AGBL1: variants seen among roughly 807,000 people sequenced by gnomAD.
AGBL1 encodes the protein AGBL carboxypeptidase 1.
AGBL1 carries 130 observed loss-of-function variants against 118.9 expected under a neutral mutation model. The observed-to-expected ratio is 1.09, with a 90% CI of 0.95 to 1.26. The LOEUF is 1.26. Among genes scored for constraint, AGBL1 ranks in the 50% most tolerant of loss-of-function variants. The pLI is 0.00. For synonymous variants in AGBL1, 555 were observed against 478.9 expected, an observed-to-expected ratio of 1.16 and a Z score of -2.08; for missense variants, 1,584 against 1,298.1, an observed-to-expected ratio of 1.22 and a Z score of -3.38.
At chr15:86,494,956 A>T (rs200639870) in intron 18 of AGBL1, among the ~76,000 whole-genome samples, 31 of 145,320 alleles carry the variant, frequency 2.1e-4, no homozygotes, top group Middle Eastern at 3.5e-3. Context: ...TTTTTTTTTT[A>T]AATAAATAAC....
intron 24 of AGBL1, among the ~76,000 whole-genome samples, chr15:87,014,346 CAAGT>C (rs2081589678): frequency 6.6e-6 from 1 of 152,118 alleles, no homozygotes; most frequent in Non-Finnish European, 1.5e-5. Flanking sequence ...TGATCTTAGG[CAAGT>C]AAGTACAATT....
intron 22 of AGBL1, among the ~76,000 whole-genome samples, chr15:86,763,107 A>T (rs891544541): frequency 3.9e-5 from 6 of 152,004 alleles, no homozygotes; most frequent in Admixed American, 1.3e-4. Context: ...CTGTAAGTGC[A>T]TTTTTGTTCC....
At position 86,258,820 on chromosome 15, in the gene AGBL1, C is replaced by A. The variant is rs139043042; in HGVS notation, c.969+789C>A. On this transcript the variant is annotated intron_variant, in intron 9 of 22. Transcript: ENST00000614907. Reference sequence around the variant, plus strand: ...CTCCCGGATCCAAGCAATTTACCAACTTCAGCCTCCCAAGTAACTGGGACT... The same window carrying A: ...CTCCCGGATCCAAGCAATTTACCAAATTCAGCCTCCCAAGTAACTGGGACT... Among the ~76,000 whole-genome samples, 3 of 152,272 alleles carry A rather than the reference C, an allele frequency of 2.0e-5. No homozygotes were observed. The East Asian group carries it at 5.8e-4, about 29-fold the overall frequency.
intron 24 of AGBL1, among the ~76,000 whole-genome samples, chr15:87,008,985 A>G (rs1423738836): frequency 6.6e-6 from 1 of 152,246 alleles, no homozygotes; most frequent in Non-Finnish European, 1.5e-5. Flanking sequence ...GAAAATTTGC[A>G]GCCTGACAAT....
intron 18 of AGBL1, among the ~76,000 whole-genome samples, chr15:86,424,157 C>G (rs1438225576): frequency 2.6e-5 from 4 of 152,176 alleles, no homozygotes; most frequent in Non-Finnish European, 5.9e-5. Context: ...GTAACCAAAA[C>G]AGCATGGTAA....
chr15:86,589,784 A>C (rs937131010), intron 21 of AGBL1, among the ~76,000 whole-genome samples: 1 of 152,000 alleles, frequency 6.6e-6, no homozygotes, highest in East Asian at 1.9e-4. Flanking sequence ...TTCTTTATCT[A>C]ATCTATCATT....
intron 21 of AGBL1, among the ~76,000 whole-genome samples, chr15:86,599,045 G>A (rs1228546529): frequency 6.6e-6 from 1 of 152,088 alleles, no homozygotes; most frequent in East Asian, 1.9e-4. Context: ...CTCTTTCAAT[G>A]CTAAGAGTCT....
At chr15:86,199,158 A>T (rs1339091611) in intron 5 of AGBL1, among the ~76,000 whole-genome samples, 3 of 152,152 alleles carry the variant, frequency 2.0e-5, no homozygotes, top group Non-Finnish European at 4.4e-5. Flanking sequence ...CAAGTTGTGT[A>T]TTACCATTTA....
intron 22 of AGBL1, among the ~76,000 whole-genome samples, chr15:86,717,822 G>T (rs561466367): frequency 1.3e-5 from 2 of 152,322 alleles, no homozygotes; most frequent in East Asian, 3.9e-4. Flanking sequence ...GCTCACGCCT[G>T]TAATCTCAGC....
intron 23 of AGBL1, among the ~76,000 whole-genome samples, chr15:86,957,359 T>A (rs2080941463): frequency 6.6e-6 from 1 of 151,882 alleles, no homozygotes; most frequent in Non-Finnish European, 1.5e-5. Context: ...GAAGAAAAAA[T>A]TTCAATAAAA....
chr15:86,810,316 C>T (rs189730197), intron 22 of AGBL1, among the ~76,000 whole-genome samples: 15 of 152,182 alleles, frequency 9.9e-5, no homozygotes, highest in Non-Finnish European at 1.8e-4. Flanking sequence ...TTAGCTACAA[C>T]GTGACCAAAT....
intron 21 of AGBL1, among the ~76,000 whole-genome samples, chr15:86,642,353 T>C (rs571039120): frequency 1.1e-4 from 17 of 152,194 alleles, no homozygotes; most frequent in Non-Finnish European, 2.1e-4. Context: ...TTTTTATGGT[T>C]AATAGTTTAG....
intron 21 of AGBL1, among the ~76,000 whole-genome samples, chr15:86,669,744 T>C (rs1041903976): frequency 6.6e-6 from 1 of 152,160 alleles, no homozygotes; most frequent in African/African-American, 2.4e-5. Flanking sequence ...ATTTCTGAAA[T>C]ATGTGGATAT....
intron 21 of AGBL1, among the ~76,000 whole-genome samples, chr15:86,631,743 G>C (rs2084970967): frequency 6.6e-6 from 1 of 152,170 alleles, no homozygotes; most frequent in Admixed American, 6.5e-5. Flanking sequence ...AGAGGGCCCA[G>C]TGGGTTCTCA....
intron 18 of AGBL1, among the ~76,000 whole-genome samples, chr15:86,470,837 T>A (rs1183122903): frequency 6.6e-6 from 1 of 152,142 alleles, no homozygotes; most frequent in Non-Finnish European, 1.5e-5. Flanking sequence ...TCTTTGTTAG[T>A]GTATAGAAAT....
At chr15:86,715,678 G>A (rs2086627002) in intron 22 of AGBL1, among the ~76,000 whole-genome samples, 1 of 152,090 alleles carries the variant, frequency 6.6e-6, no homozygotes, top group Non-Finnish European at 1.5e-5. Flanking sequence ...ATGGCTGTTG[G>A]AATTTAAAGA....
At chr15:86,568,210 A>G (rs2083945638) in intron 21 of AGBL1, among the ~76,000 whole-genome samples, 1 of 152,120 alleles carries the variant, frequency 6.6e-6, no homozygotes, top group African/African-American at 2.4e-5. Flanking sequence ...GGTATTTTAA[A>G]TCAGTATCTT....
chr15:86,504,983 T>C (rs2082958307), intron 18 of AGBL1, among the ~76,000 whole-genome samples: 1 of 151,800 alleles, frequency 6.6e-6, no homozygotes, highest in South Asian at 2.1e-4. Context: ...ATTTTCTTTG[T>C]TAGGAAACAA....
chr15:86,658,729 T>G (rs1270670246), intron 21 of AGBL1, among the ~76,000 whole-genome samples: 2 of 152,172 alleles, frequency 1.3e-5, no homozygotes, highest in Non-Finnish European at 2.9e-5. Flanking sequence ...CCTAGGCTGG[T>G]GGGTGTTTCT....
Sources: allele counts gnomAD v4.1 joint callset (sites outside exome capture counted in the v4.1 genomes callset), GRCh38; gene constraint gnomAD v4.1.1; transcripts MANE v1.5; gene names NCBI Gene and HGNC (gene_info 2026-07-23, HGNC 2026-07-21).